CHRM2: variants seen among roughly 807,000 people sequenced by gnomAD.
CHRM2 encodes muscarinic acetylcholine receptor M2.
CHRM2 carries 8 observed loss-of-function variants against 25.0 expected under a neutral mutation model. That is an observed-to-expected ratio of 0.32 (90% confidence interval 0.19 to 0.58). The LOEUF (loss-of-function observed/expected upper bound fraction) is 0.58, where lower values mean the gene tolerates loss of function less well. CHRM2 is among the 20% of genes least tolerant of loss of function. CHRM2 has a pLI of 0.88. For synonymous variants in CHRM2, 202 were observed against 205.7 expected (o/e 0.98, Z 0.15); for missense variants, 440 against 567.1 (o/e 0.78, Z 2.28).
At chr7:136,958,807 T>C (rs1300495481) in intron 2 of CHRM2, among the ~76,000 whole-genome samples, 1 of 152,184 alleles carries the variant, frequency 6.6e-6, no homozygotes, top group Non-Finnish European at 1.5e-5. Context: ...GGAGATTAAA[T>C]GAGACTTCAA....
In CHRM2 at chr7:137,016,329, G is replaced by C; in HGVS notation, c.*63G>C. 6.7e-7 allele frequency: 1 copy of C among 1,493,002 alleles called. No individual in the cohort carries two copies. The highest frequency in any genetic ancestry group is 9.3e-7 in the Non-Finnish European group (1 of 1,073,110). 92.5% of individuals were successfully genotyped at this position (1,493,002 alleles called of 1,614,324 possible). A position where few individuals can be genotyped will look rare whatever the true frequency, so the allele number is the denominator to read the frequency against. On this transcript the variant is annotated 3_prime_UTR_variant, in exon 4 of 4. Transcript: ENST00000680005. The stretch of plus-strand genomic sequence containing the variant: ...CTTGAGAAGAATAAAAGGGATAAAC[G>C]AGCTCCTAGTTTTAAAATCTCTGCC...
chr7:136,890,645 G>C (rs190540193), intron 2 of CHRM2, among the ~76,000 whole-genome samples: 1 of 152,146 alleles, frequency 6.6e-6, no homozygotes. Context: ...AAACCCTATC[G>C]TGGAGGCTTC....
chr7:136,929,475 C>T (rs1174673822), intron 2 of CHRM2, among the ~76,000 whole-genome samples: 1 of 152,066 alleles, frequency 6.6e-6, no homozygotes, highest in Non-Finnish European at 1.5e-5. Context: ...GGGATACCTC[C>T]TTAGGGAGGT....
At chr7:136,963,938 T>C (rs567133749) in intron 2 of CHRM2, among the ~76,000 whole-genome samples, 1 of 152,338 alleles carries the variant, frequency 6.6e-6, no homozygotes, top group South Asian at 2.1e-4. Flanking sequence ...GTGGCACTGA[T>C]GTCCTCTCTT....
Position 136,930,898 on chromosome 7 carries a change from C to CAAAAAAAAAA in CHRM2, c.-124-61269_-124-61260dup, listed in dbSNP as rs57705639. Among the ~76,000 whole-genome samples, 34 of 61,146 alleles carry CAAAAAAAAAA rather than the reference C, an allele frequency of 5.6e-4. 1 individual carries two copies. The highest frequency in any genetic ancestry group is 1.1e-3 in the East Asian group (1 of 914). 40.1% of individuals were successfully genotyped at this position (61,146 alleles called of 152,430 possible). ...GGCTACAGAGCCAGACTCATTCTCT[C>CAAAAAAAAAA]AAAAAAAAAAAAAAAAAAAAAAAAA... On this transcript the variant is annotated intron_variant, in intron 2 of 3. Transcript: ENST00000680005.
At chr7:136,905,373 GTTC>G in intron 2 of CHRM2, among the ~76,000 whole-genome samples, 1 of 151,256 alleles carries the variant, frequency 6.6e-6, no homozygotes, top group Non-Finnish European at 1.5e-5. Context: ...ATTTATTTTT[GTTC>G]TTATTTTTTA....
At chr7:136,982,141 A>T (rs1460318338) in intron 2 of CHRM2, among the ~76,000 whole-genome samples, 1 of 152,242 alleles carries the variant, frequency 6.6e-6, no homozygotes, top group South Asian at 2.1e-4. Context: ...TATTGGGTGT[A>T]TATATATTTA....
At chr7:137,014,024 A>G (rs546969035) in intron 3 of CHRM2, among the ~76,000 whole-genome samples, 1 of 152,162 alleles carries the variant, frequency 6.6e-6, no homozygotes, top group East Asian at 1.9e-4. Flanking sequence ...ATTTTCTCCC[A>G]TAATTTTGTC....
At chr7:136,996,532 T>C (rs1803615006) in intron 3 of CHRM2, among the ~76,000 whole-genome samples, 1 of 152,186 alleles carries the variant, frequency 6.6e-6, no homozygotes, top group African/African-American at 2.4e-5. Flanking sequence ...AAATAGCAAA[T>C]GTATATAACT....
At chr7:136,936,176 C>G (rs1269745720) in intron 2 of CHRM2, among the ~76,000 whole-genome samples, 1 of 152,054 alleles carries the variant, frequency 6.6e-6, no homozygotes, top group African/African-American at 2.4e-5. Flanking sequence ...GTCTAAAGTA[C>G]CAACATACAT....
chr7:136,988,863 G>T (rs532306262), intron 2 of CHRM2, among the ~76,000 whole-genome samples: 45 of 152,016 alleles, frequency 3.0e-4, no homozygotes, highest in African/African-American at 9.9e-4. Flanking sequence ...TAATAAATAT[G>T]CCTATACATA....
At chr7:136,961,980 G>A (rs1801113765) in intron 2 of CHRM2, among the ~76,000 whole-genome samples, 1 of 151,800 alleles carries the variant, frequency 6.6e-6, no homozygotes, top group Non-Finnish European at 1.5e-5. Context: ...GTGTTTTGAG[G>A]GCACAAACAT....
chr7:136,991,251 T>G (rs1803206829), intron 2 of CHRM2, among the ~76,000 whole-genome samples: 1 of 152,184 alleles, frequency 6.6e-6, no homozygotes, highest in Non-Finnish European at 1.5e-5. Context: ...TCTAGGATTT[T>G]TATAGCTTTG....
chr7:136,999,301 G>A (rs916155909), intron 3 of CHRM2, among the ~76,000 whole-genome samples: 3 of 152,078 alleles, frequency 2.0e-5, no homozygotes, highest in African/African-American at 7.2e-5. Flanking sequence ...GTTGACAGGT[G>A]CAGCAAACCA....
intron 2 of CHRM2, among the ~76,000 whole-genome samples, chr7:136,910,600 T>C (rs985576463): frequency 2.0e-5 from 3 of 151,926 alleles, no homozygotes; most frequent in African/African-American, 4.8e-5. Flanking sequence ...AGGAACATGA[T>C]TGAAGGTGTG....
At chr7:136,885,404 C>T (rs1584696125) in intron 2 of CHRM2, among the ~76,000 whole-genome samples, 1 of 152,184 alleles carries the variant, frequency 6.6e-6, no homozygotes, top group South Asian at 2.1e-4. Context: ...ATAAAGAGGA[C>T]ATTGTCCATA....
rs1022339894 is a variant in CHRM2, at chr7:136,874,632, C to G, written c.-125+5214C>G. On this transcript the variant is annotated intron_variant, in intron 2 of 3. Transcript: ENST00000680005. ...TCACTGAATGATGCCCTCTGGTGTT[C>G]AATAACTGGAAGCACATTGGATTGG... Among the ~76,000 whole-genome samples the G allele has an allele frequency of 1.0e-4, 13 of 130,298 alleles. No homozygotes were observed. In the East Asian group the frequency reaches 3.2e-3, roughly 32 times the overall value. 85.5% of individuals were successfully genotyped at this position (130,298 alleles called of 152,430 possible). A position where few individuals can be genotyped will look rare whatever the true frequency, so the allele number is the denominator to read the frequency against.
chr7:136,908,328 T>G (rs997831706), intron 2 of CHRM2, among the ~76,000 whole-genome samples: 8 of 151,938 alleles, frequency 5.3e-5, no homozygotes, highest in African/African-American at 1.9e-4. Context: ...CTCTTATTCT[T>G]AACTACTGTG....
In CHRM2 at chr7:136,974,906, C is replaced by T. The variant is rs146346168; in HGVS notation, c.-124-17281C>T. Among the ~76,000 whole-genome samples, 846 of 152,080 alleles carry T rather than the reference C, an allele frequency of 5.6e-3. 4 individuals are homozygous for T. Among genetic ancestry groups the T allele is most frequent in the Non-Finnish European group, 7.6e-3 (519 of 67,990 alleles). Reference sequence around the variant, plus strand: ...GGTGAGAACTGATGAGAACTGATAACTAATATAGTGATGGTAGTAATGCAA... The same window carrying T: ...GGTGAGAACTGATGAGAACTGATAATTAATATAGTGATGGTAGTAATGCAA... On this transcript the variant is annotated intron_variant, in intron 2 of 3. Coordinates refer to ENST00000680005, the MANE Select transcript of CHRM2 (RefSeq NM_001006630.2).
Sources: allele counts gnomAD v4.1 joint callset (sites outside exome capture counted in the v4.1 genomes callset), GRCh38; gene constraint gnomAD v4.1.1; transcripts MANE v1.5; gene names NCBI Gene and HGNC (gene_info 2026-07-23, HGNC 2026-07-21).